The following PLXDC2 variants were observed in gnomAD, a reference collection of about 807,000 sequenced individuals.
PLXDC2 encodes the protein plexin domain containing 2.
In PLXDC2, 40 loss-of-function variants were observed where a neutral mutation model predicts 68.9. The ratio of observed to expected loss-of-function variants is 0.58; its 90% CI spans 0.45 to 0.76. PLXDC2 has a LOEUF of 0.76. PLXDC2 is among the 30% of genes least tolerant of loss of function. PLXDC2 has a pLI of 0.00. For missense variants in PLXDC2, 644 were observed against 661.9 expected, an observed-to-expected ratio of 0.97 and a Z score of 0.30; for synonymous variants, 243 against 234.2, an observed-to-expected ratio of 1.04 and a Z score of -0.34.
At chr10:20,125,642 G>A in intron 4 of PLXDC2, among the ~76,000 whole-genome samples, 1 of 152,166 alleles carries the variant, frequency 6.6e-6, no homozygotes, top group East Asian at 1.9e-4. Context: ...GCTATAGAGA[G>A]AGCCTCTATA....
chr10:20,260,437 C>T (rs1441846008), intron 13 of PLXDC2, among the ~76,000 whole-genome samples: 1 of 152,178 alleles, frequency 6.6e-6, no homozygotes, highest in Non-Finnish European at 1.5e-5. Flanking sequence ...ATGTGATAGA[C>T]ATCATGCAGT....
chr10:20,256,288 A>G (rs1017056849), intron 13 of PLXDC2, among the ~76,000 whole-genome samples: 1 of 151,668 alleles, frequency 6.6e-6, no homozygotes, highest in Non-Finnish European at 1.5e-5. Flanking sequence ...GCCCACCATG[A>G]CACCTGGCTA....
intron 5 of PLXDC2, among the ~76,000 whole-genome samples, chr10:20,146,798 A>G (rs1834087264): frequency 6.6e-6 from 1 of 152,148 alleles, no homozygotes; most frequent in Non-Finnish European, 1.5e-5. Context: ...AGATATTACT[A>G]ATAGCACCAA....
At chr10:20,145,738 A>G (rs1214053405) in intron 5 of PLXDC2, among the ~76,000 whole-genome samples, 1 of 151,778 alleles carries the variant, frequency 6.6e-6, no homozygotes, top group African/African-American at 2.4e-5. Flanking sequence ...TTTTTTTAGT[A>G]GAGATGGGGT....
At chr10:20,046,340 TA>T (rs1486548400) in intron 2 of PLXDC2, among the ~76,000 whole-genome samples, 4 of 151,904 alleles carry the variant, frequency 2.6e-5, no homozygotes, top group African/African-American at 9.7e-5. Flanking sequence ...CACACACACA[TA>T]AAATTCAAAA....
chr10:19,875,164 ATCCGATG>A (rs1431665851), intron 1 of PLXDC2, among the ~76,000 whole-genome samples: 1 of 152,128 alleles, frequency 6.6e-6, no homozygotes, highest in Non-Finnish European at 1.5e-5. Flanking sequence ...CTTACTTAGG[ATCCGATG>A]TAGGAAGTGG....
chr10:19,942,960 G>T (rs1833842371), intron 1 of PLXDC2, among the ~76,000 whole-genome samples: 1 of 152,124 alleles, frequency 6.6e-6, no homozygotes, highest in Admixed American at 6.5e-5. Flanking sequence ...TGTATATTAT[G>T]AATAATTATG....
intron 4 of PLXDC2, among the ~76,000 whole-genome samples, chr10:20,083,383 A>T (rs528173328): frequency 6.6e-6 from 1 of 151,182 alleles, no homozygotes; most frequent in African/African-American, 2.4e-5. Context: ...AAGCTGAGGC[A>T]GGAGAATGGT....
intron 3 of PLXDC2, among the ~76,000 whole-genome samples, chr10:20,047,579 T>C (rs1835818785): frequency 6.6e-6 from 1 of 152,156 alleles, no homozygotes; most frequent in Non-Finnish European, 1.5e-5. Flanking sequence ...GTGTGTCTCC[T>C]GAAATAAATA....
chr10:20,087,727 G>A (rs1200786846), intron 4 of PLXDC2, among the ~76,000 whole-genome samples: 1 of 152,182 alleles, frequency 6.6e-6, no homozygotes, highest in Non-Finnish European at 1.5e-5. Context: ...TTAAAACCAA[G>A]GCCGATATAT....
chr10:19,871,019 A>G (rs4747386), intron 1 of PLXDC2, among the ~76,000 whole-genome samples: 100,638 of 152,036 alleles, frequency 0.66, 33,692 homozygotes, highest in Middle Eastern at 0.8. Context: ...TGACCTCTGG[A>G]CAGTTTGGTT....
At chr10:19,942,441 A>G (rs1359989836) in intron 1 of PLXDC2, among the ~76,000 whole-genome samples, 6 of 152,180 alleles carry the variant, frequency 3.9e-5, no homozygotes, top group Non-Finnish European at 8.8e-5. Flanking sequence ...ACTATGTACT[A>G]TCTTACATGA....
intron 1 of PLXDC2, among the ~76,000 whole-genome samples, chr10:19,999,563 C>T (rs1301502883): frequency 1.3e-5 from 2 of 151,958 alleles, no homozygotes; most frequent in African/African-American, 4.8e-5. Flanking sequence ...AACAAGGATC[C>T]TGCATGGGTT....
intron 4 of PLXDC2, among the ~76,000 whole-genome samples, chr10:20,121,081 G>T (rs563194881): frequency 1.3e-5 from 2 of 152,350 alleles, no homozygotes; most frequent in African/African-American, 2.4e-5. Flanking sequence ...AATGGTAATT[G>T]TGGAACTTAA....
chr10:19,954,661 T>C (rs1834040089), intron 1 of PLXDC2, among the ~76,000 whole-genome samples: 1 of 152,218 alleles, frequency 6.6e-6, no homozygotes, highest in Non-Finnish European at 1.5e-5. Flanking sequence ...GGGGTTCTAT[T>C]TCCATTTATT....
intron 13 of PLXDC2, among the ~76,000 whole-genome samples, chr10:20,257,933 G>A (rs1835762063): frequency 6.6e-6 from 1 of 151,510 alleles, no homozygotes; most frequent in Admixed American, 6.6e-5. Context: ...AAGTAGGTAG[G>A]AGTGGCATAC....
At chr10:19,993,616 C>A (rs2131630751) in intron 1 of PLXDC2, among the ~76,000 whole-genome samples, 1 of 152,182 alleles carries the variant, frequency 6.6e-6, no homozygotes, top group African/African-American at 2.4e-5. Flanking sequence ...GACTGGCTTT[C>A]ACCATGTTGG....
In PLXDC2 at chr10:20,031,530, G is replaced by A. The variant is rs538228978; in HGVS notation, c.325-15339G>A. Among the ~76,000 whole-genome samples, 38 of 152,214 alleles carry A rather than the reference G, an allele frequency of 2.5e-4. No homozygotes were observed. In the South Asian group the frequency reaches 7.7e-3, roughly 31 times the overall value. ...AAAAAGTCCCAAGCCACCTCTGTTG[G>A]TAGTCTACTGCTAAGTAACAAACAA... On this transcript the variant is annotated intron_variant, in intron 2 of 13. Coordinates refer to ENST00000377252, the MANE Select transcript of PLXDC2 (RefSeq NM_032812.9).
chr10:19,968,755 G>A (rs1160746868), intron 1 of PLXDC2, among the ~76,000 whole-genome samples: 1 of 152,162 alleles, frequency 6.6e-6, no homozygotes, highest in Non-Finnish European at 1.5e-5. Context: ...AGGATATAGA[G>A]GAAATACTCA....
Sources: gnomAD v4.1 joint callset for allele counts (sites outside exome capture counted in the v4.1 genomes callset) on GRCh38, gnomAD v4.1.1 for gene constraint, MANE v1.5 for transcripts, NCBI Gene and HGNC (gene_info 2026-07-23, HGNC 2026-07-21) for gene names.